The following AKAP13 variants were observed in gnomAD, a reference collection of about 807,000 sequenced individuals.
The protein encoded by AKAP13 is A-kinase anchoring protein 13.
Under a neutral mutation model 264.5 loss-of-function variants are expected in AKAP13, and 80 were observed. The ratio of observed to expected loss-of-function variants is 0.30; its 90% CI spans 0.25 to 0.36. The LOEUF is 0.36. Among genes scored for constraint, AKAP13 ranks in the 10% least tolerant of loss-of-function variants. AKAP13 has a pLI of 1.00. For synonymous variants in AKAP13, 1,380 were observed against 1,250.2 expected (o/e 1.10, Z -2.19); for missense variants, 3,712 against 3,435.2 (o/e 1.08, Z -2.01).
At chr15:85,461,613 T>G (rs111643471) in intron 1 of AKAP13, among the ~76,000 whole-genome samples, 22 of 152,004 alleles carry the variant, frequency 1.4e-4, no homozygotes, top group South Asian at 4.2e-4. Context: ...TGTGTTTTTT[T>G]TTGTTGTTGT....
chr15:85,661,412 T>A (rs1441631533), intron 12 of AKAP13, among the ~76,000 whole-genome samples: 1 of 152,160 alleles, frequency 6.6e-6, no homozygotes, highest in Non-Finnish European at 1.5e-5. Flanking sequence ...GCCATAGAAT[T>A]CCTTTTTTTT....
chr15:85,628,866 G>T (rs338495), intron 8 of AKAP13, among the ~76,000 whole-genome samples: 39,097 of 151,948 alleles, frequency 0.26, 6,997 homozygotes, highest in East Asian at 0.58. Context: ...CTAAAAAATT[G>T]TAAACAATTA....
chr15:85,413,240 T>C (rs1042452565), intron 1 of AKAP13, among the ~76,000 whole-genome samples: 1 of 152,196 alleles, frequency 6.6e-6, no homozygotes, highest in African/African-American at 2.4e-5. Context: ...TTGTACTGTT[T>C]TGTGGAGCTG....
chr15:85,723,452 A>G, intron 26 of AKAP13, 132 bp downstream of exon 26: 1 of 1,281,762 alleles, frequency 7.8e-7, no homozygotes, highest in Admixed American at 2.6e-5. Context: ...CAGGAGCAAC[A>G]AGCATTTAGT....
chr15:85,567,376 G>A (rs571446160), intron 5 of AKAP13, among the ~76,000 whole-genome samples: 39 of 152,366 alleles, frequency 2.6e-4, no homozygotes, highest in African/African-American at 8.9e-4. Flanking sequence ...AAAGTGCTGA[G>A]ATTGCAGGCG....
chr15:85,624,599 T>C (rs960496594), intron 8 of AKAP13: 68 of 152,266 alleles, frequency 4.5e-4, no homozygotes, highest in African/African-American at 1.6e-3. Context: ...TTGGCTTCTA[T>C]GTCCGGATGG....
chr15:85,381,227 G>C (rs2070229898), intron 1 of AKAP13, among the ~76,000 whole-genome samples: 2 of 152,092 alleles, frequency 1.3e-5, no homozygotes, highest in South Asian at 2.1e-4. Context: ...CCGCGGTGTG[G>C]AGTCCCCGCC....
chr15:85,655,463 C>G lies in AKAP13; in HGVS notation c.4421C>G (p.Ser1474Cys), dbSNP rs1318112433. The change falls in exon 11 of 37, where the codon TCC becomes TGC. Residue 1474 changes from serine to cysteine, a missense_variant. Physicochemically the swap from Ser to Cys is moderately radical, Grantham distance 112. Transcript: ENST00000394518. ...LACDITGSSS[S>C]TDDTASLDRH... ...TGTGATATCACCGGATCCAGTTCAT[C>G]CACCGATGACACGGCTTCACTGGAC... 4.3e-6 allele frequency: 7 copies of G among 1,614,046 alleles called. No individual in the cohort carries two copies. The highest frequency in any genetic ancestry group is 5.9e-6 in the Non-Finnish European group (7 of 1,180,026).
intron 1 of AKAP13, among the ~76,000 whole-genome samples, chr15:85,483,524 G>T (rs1429267648): frequency 6.7e-6 from 1 of 148,562 alleles, no homozygotes; most frequent in Non-Finnish European, 1.5e-5. Flanking sequence ...TACTGGGGAG[G>T]CTGAGGCAGG....
chr15:85,610,725 C>G (rs1056696539), intron 8 of AKAP13, among the ~76,000 whole-genome samples: 1 of 152,234 alleles, frequency 6.6e-6, no homozygotes, highest in African/African-American at 2.4e-5. Flanking sequence ...CCTGTAATCC[C>G]AGCACTTCGG....
intron 3 of AKAP13, 73 bp downstream of exon 3, chr15:85,521,648 A>G: frequency 6.6e-7 from 1 of 1,510,464 alleles, no homozygotes; most frequent in Non-Finnish European, 9.0e-7. Flanking sequence ...TTATGAGTAT[A>G]GAGTGACAGG....
At chr15:85,557,075 G>A (rs2078177794) in intron 5 of AKAP13, among the ~76,000 whole-genome samples, 1 of 152,152 alleles carries the variant, frequency 6.6e-6, no homozygotes, top group African/African-American at 2.4e-5. Flanking sequence ...ATACCTCTTA[G>A]TGCCATTTTA....
At position 85,724,932 on chromosome 15, in the gene AKAP13, C is replaced by T. The variant is rs1029396954; in HGVS notation, c.6746-1478C>T. Among the ~76,000 whole-genome samples the T allele has an allele frequency of 6.6e-6, 1 of 152,122 alleles. No homozygotes were observed. Among genetic ancestry groups the T allele is most frequent in the African/African-American group, 2.4e-5 (1 of 41,422 alleles). On this transcript the variant is annotated intron_variant, in intron 26 of 36. Coordinates refer to ENST00000394518, the MANE Select transcript of AKAP13 (RefSeq NM_007200.5). The surrounding 1 kb of genome is among the most constrained non-coding windows in gnomAD (Gnocchi z 4.2). ...CTGTGATAAACTTAAACTAAGGCTC[C>T]TTCCCTCCAGTCTTAATATTCCATG...
intron 1 of AKAP13, among the ~76,000 whole-genome samples, chr15:85,391,412 G>C (rs747478861): frequency 2.0e-5 from 3 of 152,010 alleles, no homozygotes; most frequent in Non-Finnish European, 4.4e-5. Flanking sequence ...GGAGGCTACT[G>C]CAAAGTAGAT....
intron 10 of AKAP13, among the ~76,000 whole-genome samples, chr15:85,647,935 C>CA (rs2082630357): frequency 6.6e-6 from 1 of 151,628 alleles, no homozygotes; most frequent in African/African-American, 2.4e-5. Context: ...CTCAAAAAAA[C>CA]AAAAAACAAA....
At chr15:85,506,377 C>A (rs1205371748) in intron 2 of AKAP13, among the ~76,000 whole-genome samples, 4 of 152,086 alleles carry the variant, frequency 2.6e-5, no homozygotes, top group Non-Finnish European at 4.4e-5. Context: ...GCACCTAGAA[C>A]AACGAGACAT....
Position 85,580,176 on chromosome 15 carries a change from C to T in AKAP13, c.2108C>T (p.Pro703Leu), listed in dbSNP as rs1382525830. 1.9e-6 allele frequency: 3 copies of T among 1,614,214 alleles called. No homozygotes were observed. The South Asian group carries it at 3.3e-5, about 18-fold the overall frequency. ...TTARQPSSQD[P>L]PDASHCEDPQ... ...GCAAGGCAACCCAGCTCACAAGATC[C>T]ACCCGATGCCTCCCACTGTGAAGAC... Residue 703 changes from proline to leucine, a missense_variant, in exon 7 of 37, where the codon CCA (proline) becomes CTA (leucine). Physicochemically the swap from Pro to Leu is moderately conservative, Grantham distance 98 (BLOSUM62 -3). Coordinates refer to ENST00000394518, the MANE Select transcript of AKAP13 (RefSeq NM_007200.5).
intron 4 of AKAP13, among the ~76,000 whole-genome samples, chr15:85,541,788 C>A (rs1375054406): frequency 1.3e-5 from 2 of 152,208 alleles, no homozygotes. Context: ...CATAGCACTA[C>A]ATTGTTTTCT....
At chr15:85,459,168 T>C (rs185675755) in intron 1 of AKAP13, among the ~76,000 whole-genome samples, 78 of 152,278 alleles carry the variant, frequency 5.1e-4, no homozygotes, top group Admixed American at 5.1e-3. Context: ...TTAACTTGTA[T>C]TCCCCTGAAA....
Sources: gnomAD v4.1 joint callset for allele counts (sites outside exome capture counted in the v4.1 genomes callset) on GRCh38, gnomAD v4.1.1 for gene constraint, Gnocchi (gnomAD v3.1) non-coding constraint, MANE v1.5 for transcripts, NCBI Gene and HGNC (gene_info 2026-07-23, HGNC 2026-07-21) for gene names.